LINGO2: variants seen among roughly 807,000 people sequenced by gnomAD.
LINGO2 encodes leucine-rich repeat and immunoglobulin-like domain-containing nogo receptor-interacting protein 2.
LINGO2 carries 14 observed loss-of-function variants against 30.6 expected under a neutral mutation model. That is an observed-to-expected ratio of 0.46 (90% confidence interval 0.30 to 0.72). LINGO2 has a LOEUF of 0.72. LINGO2 is among the 30% of genes least tolerant of loss of function. LINGO2 has a pLI of 0.07. For synonymous variants in LINGO2, 317 were observed against 288.5 expected, an observed-to-expected ratio of 1.10 and a Z score of -1.00; for missense variants, 729 against 751.7, an observed-to-expected ratio of 0.97 and a Z score of 0.35.
At chr9:28,196,758 C>T (rs12236635) in intron 4 of LINGO2, among the ~76,000 whole-genome samples, 2 of 151,658 alleles carry the variant, frequency 1.3e-5, no homozygotes, top group Non-Finnish European at 1.5e-5. Flanking sequence ...TAAAGGTTAC[C>T]TGGAACTGGA....
rs369538916 is a variant in LINGO2, at chr9:28,229,654, A to C, written c.-87+65554T>G. 9.2e-5 allele frequency among the ~76,000 whole-genome samples: 14 copies of C among 151,922 alleles called. No homozygotes were observed. The East Asian group carries it at 1.5e-3, about 17-fold the overall frequency. On this transcript the variant is annotated intron_variant, in intron 4 of 5. Coordinates refer to ENST00000379992, the Ensembl canonical transcript of LINGO2. The stretch of plus-strand genomic sequence containing the variant: ...AATAATTTAGTATCAAAATGGGTTT[A>C]ACAAAACTTTAAAAAATAAAGTGAT...
chr9:28,389,165 A>T (rs1821723199), intron 2 of LINGO2, among the ~76,000 whole-genome samples: 1 of 152,116 alleles, frequency 6.6e-6, no homozygotes, highest in Non-Finnish European at 1.5e-5. Flanking sequence ...GCTTTAGGAG[A>T]TTGTTATCTA....
At chr9:29,033,337 G>A in the LINGO2 span, among the ~76,000 whole-genome samples, 2 of 146,836 alleles carry the variant, frequency 1.4e-5, no homozygotes, top group Admixed American at 1.4e-4. Context: ...TTCTGGTTTG[G>A]ATTGTTATTC....
chr9:28,185,970 G>A (rs921099881), intron 4 of LINGO2, among the ~76,000 whole-genome samples: 1 of 152,094 alleles, frequency 6.6e-6, no homozygotes, highest in African/African-American at 2.4e-5. Flanking sequence ...TCTTGTCTAG[G>A]TGGATCTGAT....
At chr9:28,369,642 G>C (rs1820820339) in intron 3 of LINGO2, among the ~76,000 whole-genome samples, 4 of 152,130 alleles carry the variant, frequency 2.6e-5, no homozygotes, top group Non-Finnish European at 5.9e-5. Flanking sequence ...AGAGAGACTA[G>C]GTTGAACTAC....
the LINGO2 span, among the ~76,000 whole-genome samples, chr9:28,941,193 C>T: frequency 2.0e-5 from 3 of 152,036 alleles, no homozygotes; most frequent in African/African-American, 7.2e-5. Context: ...TGGAAAGCTA[C>T]AGAAAAACTT....
At chr9:28,002,276 G>C (rs7037600) in intron 5 of LINGO2, among the ~76,000 whole-genome samples, 25,347 of 148,700 alleles carry the variant, frequency 0.17, 2,064 homozygotes, top group African/African-American at 0.21. Flanking sequence ...TTTTTTTTTT[G>C]TTCCCTCTCG....
chr9:28,782,953 G>A, the LINGO2 span, among the ~76,000 whole-genome samples: 1 of 152,124 alleles, frequency 6.6e-6, no homozygotes, highest in Admixed American at 6.6e-5. Context: ...CCTGTACAGG[G>A]TGTTACTGTA....
At chr9:29,149,039 G>C in the LINGO2 span, among the ~76,000 whole-genome samples, 2 of 152,126 alleles carry the variant, frequency 1.3e-5, no homozygotes, top group Non-Finnish European at 2.9e-5. Flanking sequence ...GGTTGTCACA[G>C]AGGAGGATCC....
chr9:29,016,403 T>G, the LINGO2 span, among the ~76,000 whole-genome samples: 1 of 152,176 alleles, frequency 6.6e-6, no homozygotes, highest in Non-Finnish European at 1.5e-5. Context: ...GGGCTTCATC[T>G]TTCACAGTGT....
intron 4 of LINGO2, among the ~76,000 whole-genome samples, chr9:28,132,952 A>G (rs1827417980): frequency 6.6e-6 from 1 of 152,234 alleles, no homozygotes. Context: ...TAATGTCCAT[A>G]TTCATGAAGA....
At chr9:28,903,115 T>G in the LINGO2 span, among the ~76,000 whole-genome samples, 4 of 150,614 alleles carry the variant, frequency 2.7e-5, no homozygotes, top group Admixed American at 2.6e-4. Flanking sequence ...GAAACAAAAT[T>G]GGCAAAGCTT....
chr9:28,539,129 TA>T (rs1821567175), intron 1 of LINGO2, among the ~76,000 whole-genome samples: 1 of 151,980 alleles, frequency 6.6e-6, no homozygotes, highest in South Asian at 2.1e-4. Context: ...ATTAAAGATA[TA>T]AAAGAAGATA....
chr9:28,633,265 C>G (rs1020515164), intron 1 of LINGO2, among the ~76,000 whole-genome samples: 1 of 151,916 alleles, frequency 6.6e-6, no homozygotes, highest in Non-Finnish European at 1.5e-5. Context: ...ACTTTGTATC[C>G]CTCAATTCAG....
At chr9:28,851,762 A>G in the LINGO2 span, among the ~76,000 whole-genome samples, 1 of 152,008 alleles carries the variant, frequency 6.6e-6, no homozygotes, top group African/African-American at 2.4e-5. Context: ...GGGATAAGAA[A>G]CACACTGAAA....
intron 1 of LINGO2, among the ~76,000 whole-genome samples, chr9:28,521,299 A>C (rs1172203834): frequency 6.6e-6 from 1 of 152,188 alleles, no homozygotes; most frequent in African/African-American, 2.4e-5. Flanking sequence ...AAGGCAGCTA[A>C]CTTTCCTGCT....
At chr9:28,083,593 T>C (rs750500033) in intron 4 of LINGO2, among the ~76,000 whole-genome samples, 2 of 152,110 alleles carry the variant, frequency 1.3e-5, no homozygotes, top group African/African-American at 4.8e-5. Flanking sequence ...TAGGTTAGAT[T>C]TGGCCACATA....
intron 4 of LINGO2, among the ~76,000 whole-genome samples, chr9:28,245,131 G>A (rs1821951215): frequency 6.6e-6 from 1 of 152,120 alleles, no homozygotes; most frequent in Admixed American, 6.6e-5. Flanking sequence ...CTCATCACTG[G>A]GATGCAAGAC....
At chr9:28,772,783 G>C in the LINGO2 span, among the ~76,000 whole-genome samples, 1 of 152,232 alleles carries the variant, frequency 6.6e-6, no homozygotes, top group East Asian at 1.9e-4. Flanking sequence ...GCAGCCCATA[G>C]AGATAAATAC....
Sources: allele counts gnomAD v4.1 joint callset (sites outside exome capture counted in the v4.1 genomes callset), GRCh38; gene constraint gnomAD v4.1.1; transcripts MANE v1.5; gene names NCBI Gene and HGNC (gene_info 2026-07-23, HGNC 2026-07-21).